PXDN: variants seen among roughly 807,000 people sequenced by gnomAD.
PXDN encodes the protein peroxidasin, also known as peroxidasin homolog.
In PXDN, 77 loss-of-function variants were observed where a neutral mutation model predicts 140.3. The observed-to-expected ratio is 0.55, with a 90% confidence interval of 0.46 to 0.66. PXDN has a LOEUF of 0.66. PXDN is among the 30% of genes least tolerant of loss of function. PXDN has a pLI of 0.00. For missense variants in PXDN, 1,838 were observed against 2,039.5 expected, an observed-to-expected ratio of 0.90 and a Z score of 1.90; for synonymous variants, 911 against 857.4, an observed-to-expected ratio of 1.06 and a Z score of -1.09.
At chr2:1,704,555 T>G (rs1572175661) in intron 1 of PXDN, among the ~76,000 whole-genome samples, 2 of 63,590 alleles carry the variant, frequency 3.1e-5, no homozygotes, top group South Asian at 5.9e-4. Context: ...CAACTCCAGG[T>G]GAAGGGAGGG....
intron 9 of PXDN, among the ~76,000 whole-genome samples, chr2:1,671,478 G>T (rs145149546): frequency 2.0e-5 from 3 of 151,616 alleles, no homozygotes; most frequent in Non-Finnish European, 2.9e-5. Context: ...GGAAAGGCTC[G>T]GAGAAAAATG....
In PXDN at chr2:1,649,635, G is replaced by A. The variant is rs773637950; in HGVS notation, c.2145C>T (p.Asn715=). Reference sequence around the variant, plus strand: ...TACAGCCCGACAGGTTTGCGATGAGGTTCAGGTACTGTGGAGACACCAGGT... The same window carrying A: ...TACAGCCCGACAGGTTTGCGATGAGATTCAGGTACTGTGGAGACACCAGGT... ...YNDLVSPQYL[N]LIANLSGCTA... The change falls in exon 17 of 23, where the codon AAC becomes AAT. Residue 715 remains asparagine (N), a synonymous_variant. Transcript: ENST00000252804. The surrounding 1 kb of genome is among the most constrained non-coding windows in gnomAD (Gnocchi z 7.1). The A allele has an allele frequency of 2.5e-6, 4 of 1,613,994 alleles. No individual in the cohort carries two copies. In the Admixed American group the frequency reaches 6.7e-5, roughly 27 times the overall value.
chr2:1,682,096 T>TA (rs1683921052), intron 6 of PXDN, among the ~76,000 whole-genome samples: 1 of 152,156 alleles, frequency 6.6e-6, no homozygotes, highest in African/African-American at 2.4e-5. Flanking sequence ...TGAGCAACTT[T>TA]AGTAAAGTGA....
rs748443081 is a variant in PXDN at position 1,649,278 on chromosome 2, C to T, written c.2502G>A (p.Val834=). Residue 834 remains valine (V), a synonymous_variant, in exon 17 of 23, where the codon GTG becomes GTA. Coordinates refer to ENST00000252804, the MANE Select transcript of PXDN (RefSeq NM_012293.3). This position sits in a 1 kb window ranked among gnomAD's most constrained non-coding sequence, Gnocchi z 7.1. Reference sequence around the variant, plus strand: ...CGGAGAAGCGTGCCTGGCTCAGGGCCACCACCGTGGAGTCGAGGTCGTGGT... The same window carrying T: ...CGGAGAAGCGTGCCTGGCTCAGGGCTACCACCGTGGAGTCGAGGTCGTGGT... The part of the protein sequence containing the change: ...FLDHDLDSTV[V]ALSQARFSDG... 6.2e-7 allele frequency: 1 copy of T among 1,613,338 alleles called. No homozygotes were observed. Among genetic ancestry groups the T allele is most frequent in the South Asian group, 1.1e-5 (1 of 91,018 alleles).
chr2:1,658,269 C>T (rs1683214605), intron 14 of PXDN, among the ~76,000 whole-genome samples: 1 of 151,908 alleles, frequency 6.6e-6, no homozygotes, highest in Non-Finnish European at 1.5e-5. Context: ...TCGTCCTGAC[C>T]TCTCCCTGCA....
At chr2:1,683,525 C>T in intron 6 of PXDN, 131 bp downstream of exon 6, 1 of 831,120 alleles carries the variant, frequency 1.2e-6, no homozygotes, top group Non-Finnish European at 1.8e-6. Context: ...ATCCACCCTC[C>T]ATATATTCTC....
chr2:1,673,665 G>T lies in PXDN; in HGVS notation c.996C>A (p.Thr332=), dbSNP rs1268589772. ...TACCTGGAGACCCGAAGTACCTGAG[G>T]GTCACCTCTTGCGTCTTCACCTCTC... The part of the protein sequence containing the change: ...VAGEVKTQEV[T]LRYFGSPARP... Residue 332 remains threonine, a synonymous_variant, in exon 9 of 23, where the codon ACC becomes ACA. Coordinates refer to ENST00000252804, the MANE Select transcript of PXDN (RefSeq NM_012293.3). The T allele has an allele frequency of 1.2e-6, 2 of 1,613,082 alleles. No homozygotes were observed. Among genetic ancestry groups the T allele is most frequent in the Non-Finnish European group, 1.7e-6 (2 of 1,179,382 alleles).
chr2:1,735,669 A>G (rs994245678), intron 1 of PXDN, among the ~76,000 whole-genome samples: 1 of 152,208 alleles, frequency 6.6e-6, no homozygotes, highest in Non-Finnish European at 1.5e-5. Context: ...CCATTGGTAG[A>G]GCAGAAACAC....
intron 1 of PXDN, among the ~76,000 whole-genome samples, chr2:1,743,712 GGAGGAAGGGGAGGAGGAA>G (rs1685610463): frequency 1.8e-5 from 1 of 56,132 alleles, no homozygotes; most frequent in African/African-American, 1.1e-4. Flanking sequence ...GGGAGGAGGA[GGAGGAAGGGGAGGAGGAA>G]GAGGAGCGGA....
rs745666904 is a variant in PXDN at position 1,683,649 on chromosome 2, T to C, written c.560+7A>G. On this transcript the variant is annotated splice_region_variant and intron_variant, in intron 6 of 22. Coordinates refer to ENST00000252804, the MANE Select transcript of PXDN (RefSeq NM_012293.3). ...AGCAAAGAAAACACAAAAGGTTTTA[T>C]ACTCACAATCTCTTCATAGATTCCA... The C allele has an allele frequency of 3.2e-5, 51 of 1,590,366 alleles. No homozygotes were observed. Among genetic ancestry groups the C allele is most frequent in the Non-Finnish European group, 7.7e-6 (9 of 1,165,820 alleles).
At chr2:1,654,744 G>C (rs1013678466) in intron 14 of PXDN, among the ~76,000 whole-genome samples, 6 of 152,212 alleles carry the variant, frequency 3.9e-5, no homozygotes, top group African/African-American at 1.4e-4. Context: ...AAGAAGACAG[G>C]AAGTAGTTAT....
At position 1,649,550 on chromosome 2, in the gene PXDN, G is replaced by A; in HGVS notation, c.2230C>T (p.His744Tyr). The change falls in exon 17 of 23, where the codon CAC (histidine) becomes TAC (tyrosine). Residue 744 changes from histidine to tyrosine, a missense_variant. Coordinates refer to ENST00000252804, the MANE Select transcript of PXDN (RefSeq NM_012293.3). This position sits in a 1 kb window ranked among gnomAD's most constrained non-coding sequence, Gnocchi z 7.1. The part of the protein sequence containing the change: ...DMCFHQKYRT[H>Y]DGTCNNLQHP... ...TGCAGGTTGTTACAGGTGCCGTCGTGCGTCCGGTACTTCTGGTGGAAGCAC... is the reference window on the plus strand; with the variant it reads ...TGCAGGTTGTTACAGGTGCCGTCGTACGTCCGGTACTTCTGGTGGAAGCAC... 1 of 1,614,040 alleles carries A rather than the reference G, an allele frequency of 6.2e-7. No individual in the cohort carries two copies. The highest frequency in any genetic ancestry group is 1.1e-5 in the South Asian group (1 of 91,088).
intron 18 of PXDN, 103 bp downstream of exon 18, chr2:1,644,515 G>A (rs1682805875): frequency 1.5e-6 from 2 of 1,295,876 alleles, no homozygotes; most frequent in Non-Finnish European, 2.0e-6. Flanking sequence ...AAGACACTAG[G>A]GCCTCGTGCC....
Position 1,683,961 on chromosome 2 carries a change from T to G in PXDN, c.488+119A>C, listed in dbSNP as rs1052468405. ...TTTCCAAATTGTTAGACTAGAAATA[T>G]GGATTTTATATTGAAACAGTTTTCA... On this transcript the variant is annotated intron_variant, in intron 5 of 22. Transcript: ENST00000252804. The G allele has an allele frequency of 2.8e-6, 3 of 1,083,176 alleles. No homozygotes were observed. The Middle Eastern group carries it at 5.9e-4, about 213-fold the overall frequency. 67.1% of individuals were successfully genotyped at this position (1,083,176 alleles called of 1,614,324 possible). A position where few individuals can be genotyped will look rare whatever the true frequency, so the allele number is the denominator to read the frequency against.
chr2:1,742,907 A>AG (rs1685580229), intron 1 of PXDN, among the ~76,000 whole-genome samples: 1 of 152,258 alleles, frequency 6.6e-6, no homozygotes, highest in East Asian at 1.9e-4. Flanking sequence ...TTTCGGAGGT[A>AG]GGCGCACTGG....
At chr2:1,730,288 G>A (rs73182729) in intron 1 of PXDN, among the ~76,000 whole-genome samples, 9,655 of 152,236 alleles carry the variant, frequency 0.063, 444 homozygotes, top group African/African-American at 0.14. Context: ...AAAAGAGCAG[G>A]CATCATAATT....
intron 14 of PXDN, among the ~76,000 whole-genome samples, chr2:1,659,245 A>T (rs934394473): frequency 1.3e-5 from 2 of 152,250 alleles, no homozygotes; most frequent in African/African-American, 4.8e-5. Flanking sequence ...AGGTGAGCTC[A>T]TTGGCTATTT....
At chr2:1,683,951 A>C in intron 5 of PXDN, 129 bp downstream of exon 5, 4 of 1,021,880 alleles carry the variant, frequency 3.9e-6, no homozygotes, top group Non-Finnish European at 5.8e-6. Context: ...AAATTGTTAG[A>C]CTAGAAATAT....
chr2:1,741,328 C>T (rs895764172), intron 1 of PXDN, among the ~76,000 whole-genome samples: 1 of 152,120 alleles, frequency 6.6e-6, no homozygotes, highest in Admixed American at 6.6e-5. Context: ...TATTCAAAAA[C>T]CAACCATTTC....
Sources: allele counts gnomAD v4.1 joint callset (sites outside exome capture counted in the v4.1 genomes callset), GRCh38; gene constraint gnomAD v4.1.1; non-coding constraint Gnocchi (gnomAD v3.1); transcripts MANE v1.5; gene names NCBI Gene and HGNC (gene_info 2026-07-23, HGNC 2026-07-21).